DPP10: variants seen among roughly 807,000 people sequenced by gnomAD.
DPP10 encodes inactive dipeptidyl peptidase 10.
In DPP10, 33 loss-of-function variants were observed where a neutral mutation model predicts 120.9. That is an observed-to-expected ratio of 0.27 (90% CI 0.21 to 0.37). The LOEUF (loss-of-function observed/expected upper bound fraction) is 0.37. DPP10 is among the 10% of genes least tolerant of loss of function. The pLI is 1.00. For synonymous variants in DPP10, 337 were observed against 326.1 expected, an observed-to-expected ratio of 1.03 and a Z score of -0.36; for missense variants, 816 against 942.8, an observed-to-expected ratio of 0.87 and a Z score of 1.76.
chr2:115,666,797 T>C (rs770699539), intron 5 of DPP10, among the ~76,000 whole-genome samples: 12 of 152,180 alleles, frequency 7.9e-5, no homozygotes, highest in Non-Finnish European at 1.6e-4. Context: ...CTGGGTCAAA[T>C]GGTAGTTCTT....
intron 2 of DPP10, among the ~76,000 whole-genome samples, chr2:115,333,174 G>T (rs1021168516): frequency 1.3e-5 from 2 of 152,050 alleles, no homozygotes; most frequent in African/African-American, 4.8e-5. Flanking sequence ...TTACCATTAC[G>T]TAATGGCCTT....
chr2:114,851,658 T>C (rs1688952648), intron 1 of DPP10, among the ~76,000 whole-genome samples: 1 of 152,210 alleles, frequency 6.6e-6, no homozygotes. Context: ...CTATTGGGCT[T>C]AGTAACACAG....
At chr2:115,696,354 G>A (rs775795608) in intron 7 of DPP10, among the ~76,000 whole-genome samples, 2 of 152,064 alleles carry the variant, frequency 1.3e-5, no homozygotes, top group Non-Finnish European at 2.9e-5. Context: ...AGCAACCTGA[G>A]AGAGGCCCTC....
intron 1 of DPP10, among the ~76,000 whole-genome samples, chr2:114,788,170 A>T (rs1387439085): frequency 1.3e-5 from 2 of 152,080 alleles, no homozygotes; most frequent in Admixed American, 1.3e-4. Context: ...AATTAAATTG[A>T]ACTATATAAA....
intron 5 of DPP10, among the ~76,000 whole-genome samples, chr2:115,592,580 CAAAAAAAACAAA>C (rs1177757113): frequency 1.5e-3 from 8 of 5,416 alleles, no homozygotes; most frequent in Admixed American, 3.8e-3. Flanking sequence ...TAAAAAAAAA[CAAAAAAAACAAA>C]AAAAAAAACA....
At chr2:115,405,560 T>A (rs979149329) in intron 3 of DPP10, among the ~76,000 whole-genome samples, 3 of 152,040 alleles carry the variant, frequency 2.0e-5, no homozygotes, top group Non-Finnish European at 2.9e-5. Context: ...TAGAGAAGAC[T>A]CTCTGTGCTG....
intron 3 of DPP10, among the ~76,000 whole-genome samples, chr2:115,481,465 T>C (rs2075422026): frequency 6.6e-6 from 1 of 152,146 alleles, no homozygotes; most frequent in South Asian, 2.1e-4. Flanking sequence ...GGTATTGCAG[T>C]AAGTAGGCTG....
intron 1 of DPP10, among the ~76,000 whole-genome samples, chr2:115,141,001 CAG>C (rs1479629496): frequency 6.6e-6 from 1 of 151,006 alleles, no homozygotes; most frequent in African/African-American, 2.4e-5. Context: ...TAAAAATCAC[CAG>C]AGTTTGTGAA....
chr2:114,918,618 G>A (rs1219904749), intron 1 of DPP10, among the ~76,000 whole-genome samples: 2 of 152,256 alleles, frequency 1.3e-5, no homozygotes, highest in Non-Finnish European at 2.9e-5. Context: ...CAGAGCCATC[G>A]AATGAATGAA....
chr2:115,067,562 C>G (rs1191115292), intron 1 of DPP10, among the ~76,000 whole-genome samples: 5 of 140,304 alleles, frequency 3.6e-5, no homozygotes, highest in Admixed American at 2.1e-4. Flanking sequence ...AGAATTTCCT[C>G]TTTTTAAAAA....
intron 4 of DPP10, among the ~76,000 whole-genome samples, chr2:115,508,168 T>C (rs1575050458): frequency 6.6e-6 from 1 of 152,224 alleles, no homozygotes; most frequent in East Asian, 1.9e-4. Flanking sequence ...GTTGAAAAAA[T>C]CTTGAAATAA....
chr2:115,400,463 A>G (rs1375423057), intron 3 of DPP10, among the ~76,000 whole-genome samples: 1 of 138,990 alleles, frequency 7.2e-6, no homozygotes, highest in Non-Finnish European at 1.6e-5. Flanking sequence ...TACAATCATG[A>G]TATCTACCCA....
intron 1 of DPP10, among the ~76,000 whole-genome samples, chr2:114,568,049 TA>T (rs34026877): frequency 0.73 from 92,737 of 127,506 alleles, 33,487 homozygotes; most frequent in East Asian, 0.9. Flanking sequence ...AGAGATACTG[TA>T]AAAAAAAAAA....
At chr2:114,521,897 T>A (rs1438610044) in intron 1 of DPP10, among the ~76,000 whole-genome samples, 1 of 149,116 alleles carries the variant, frequency 6.7e-6, no homozygotes, top group Non-Finnish European at 1.5e-5. Flanking sequence ...AAGCTCCGCT[T>A]CCCGGGTTCA....
At chr2:114,838,732 G>C (rs907805181) in intron 1 of DPP10, among the ~76,000 whole-genome samples, 1 of 152,040 alleles carries the variant, frequency 6.6e-6, no homozygotes, top group African/African-American at 2.4e-5. Flanking sequence ...CATATTTGAG[G>C]GGTTACCATG....
At chr2:115,831,940 G>T (rs1688969570) in intron 21 of DPP10, among the ~76,000 whole-genome samples, 1 of 152,150 alleles carries the variant, frequency 6.6e-6, no homozygotes, top group South Asian at 2.1e-4. Context: ...CTACACTGAT[G>T]ATGGAAGTTT....
At chr2:115,543,080 GA>G (rs1320363370) in intron 5 of DPP10, among the ~76,000 whole-genome samples, 9 of 151,870 alleles carry the variant, frequency 5.9e-5, no homozygotes, top group African/African-American at 1.9e-4. Context: ...TTTACTTTGT[GA>G]AAACCTCAGT....
At chr2:114,681,945 T>C (rs1050222399) in intron 1 of DPP10, among the ~76,000 whole-genome samples, 5 of 152,006 alleles carry the variant, frequency 3.3e-5, no homozygotes, top group African/African-American at 1.2e-4. Flanking sequence ...TGATGGACAG[T>C]CTGGGAAACT....
intron 3 of DPP10, among the ~76,000 whole-genome samples, chr2:115,349,610 A>T (rs2063895793): frequency 6.6e-6 from 1 of 152,130 alleles, no homozygotes; most frequent in Admixed American, 6.6e-5. Context: ...CTCATAATAT[A>T]TGCAGGATAT....
Sources: allele counts gnomAD v4.1 joint callset (sites outside exome capture counted in the v4.1 genomes callset), GRCh38; gene constraint gnomAD v4.1.1; transcripts MANE v1.5; gene names NCBI Gene and HGNC (gene_info 2026-07-23, HGNC 2026-07-21).